ARHGAP6: variants seen among roughly 807,000 people sequenced by gnomAD.
The protein encoded by ARHGAP6 is Rho GTPase activating protein 6.
A neutral mutation model predicts 55.7 loss-of-function variants in ARHGAP6; 16 were observed. The ratio of observed to expected loss-of-function variants is 0.29; its 90% CI spans 0.19 to 0.44. The LOEUF (loss-of-function observed/expected upper bound fraction) is 0.44. Among genes scored for constraint, ARHGAP6 ranks in the 20% least tolerant of loss-of-function variants. The probability of loss-of-function intolerance (pLI) is 1.00; values close to 1 mark genes in which losing one functional copy is unlikely to be tolerated. For synonymous variants in ARHGAP6, 382 were observed against 360.9 expected, an observed-to-expected ratio of 1.06 and a Z score of -0.66; for missense variants, 698 against 808.9, an observed-to-expected ratio of 0.86 and a Z score of 1.66.
chrX:11,361,875 A>G (rs1427993950), intron 1 of ARHGAP6, among the ~76,000 whole-genome samples: 1 of 112,465 alleles, frequency 8.9e-6, no homozygotes, highest in Non-Finnish European at 1.9e-5. Flanking sequence ...AAAAGAAGAC[A>G]TTTATGCAGC....
At chrX:11,419,622 A>C (rs2049794731) in intron 1 of ARHGAP6, among the ~76,000 whole-genome samples, 1 of 112,200 alleles carries the variant, frequency 8.9e-6, no homozygotes, top group African/African-American at 3.2e-5. Context: ...CTAGGAACCT[A>C]GAGCAATGTC....
chrX:11,468,303 G>A (rs2050315367), intron 1 of ARHGAP6, among the ~76,000 whole-genome samples: 1 of 112,115 alleles, frequency 8.9e-6, no homozygotes, highest in Admixed American at 9.4e-5. Flanking sequence ...AGTTTCAAAG[G>A]TAGATTAAGC....
intron 2 of ARHGAP6, among the ~76,000 whole-genome samples, chrX:11,235,820 T>C (rs1463285594): frequency 9.0e-6 from 1 of 111,594 alleles, no homozygotes; most frequent in Non-Finnish European, 1.9e-5. Flanking sequence ...AACTTCACTG[T>C]CCATATCATT....
At chrX:11,401,250 G>A (rs1162047849) in intron 1 of ARHGAP6, among the ~76,000 whole-genome samples, 2 of 111,661 alleles carry the variant, frequency 1.8e-5, no homozygotes, top group Non-Finnish European at 3.8e-5. Context: ...GATGCTATTA[G>A]GTAAGTATCA....
intron 1 of ARHGAP6, among the ~76,000 whole-genome samples, chrX:11,563,192 A>G (rs993719078): frequency 2.8e-4 from 31 of 112,221 alleles, no homozygotes; most frequent in Non-Finnish European, 1.7e-4. Context: ...AATTCATAAG[A>G]AAATAAAAAT....
intron 1 of ARHGAP6, among the ~76,000 whole-genome samples, chrX:11,541,987 T>C (rs963633233): frequency 1.8e-5 from 2 of 112,085 alleles, no homozygotes; most frequent in African/African-American, 3.2e-5. Context: ...ATTTCTATCT[T>C]CTAAGGTTGT....
chrX:11,140,432 A>G (rs2045605495), intron 12 of ARHGAP6, among the ~76,000 whole-genome samples: 1 of 96,641 alleles, frequency 1.0e-5, no homozygotes. Context: ...AAAAAAAAAA[A>G]AATTAAAAAA....
chrX:11,254,715 CCAAA>C lies in ARHGAP6; in HGVS notation c.589-12_589-9del. 6 of 918,847 alleles carry C rather than the reference CCAAA, an allele frequency of 6.5e-6. No individual in the cohort carries two copies. Among genetic ancestry groups the C allele is most frequent in the South Asian group, 4.2e-5 (1 of 23,846 alleles). 75.7% of individuals were successfully genotyped at this position (918,847 alleles called of 1,213,427 possible). On this transcript the variant is annotated splice_polypyrimidine_tract_variant and intron_variant, in intron 1 of 12. Transcript: ENST00000337414. ...GTTCCAGGTGAAATCACCCTGTAGG[CCAAA>C]AAAAAAAAAAAAAAAAAAATCAAGA...
rs775489945 is a variant in ARHGAP6, at chrX:11,664,829, C to T, written c.-1G>A. 1.5e-5 allele frequency: 18 copies of T among 1,176,313 alleles called. No homozygotes were observed. In the Admixed American group the frequency reaches 4.4e-4, roughly 29 times the overall value. On this transcript the variant is annotated 5_prime_UTR_variant, in exon 1 of 13. Transcript: ENST00000337414. ...TGTGGAGCAGGCTCTGCGCGGACAT[C>T]TCGGCGGGGCTGCACCTGAGGACCA... is the stretch of plus-strand genomic sequence containing the variant.
intron 1 of ARHGAP6, among the ~76,000 whole-genome samples, chrX:11,263,647 G>T (rs1292868591): frequency 9.0e-6 from 1 of 111,139 alleles, no homozygotes. Flanking sequence ...TTAAGGAGGT[G>T]AGGGAATGAG....
At chrX:11,172,617 T>C (rs1372418266) in intron 8 of ARHGAP6, among the ~76,000 whole-genome samples, 1 of 112,083 alleles carries the variant, frequency 8.9e-6, no homozygotes, top group Admixed American at 9.5e-5. Flanking sequence ...GTTGCTATTC[T>C]GGGAATGGAA....
At chrX:11,286,185 T>C (rs1414519551) in intron 1 of ARHGAP6, among the ~76,000 whole-genome samples, 2 of 112,170 alleles carry the variant, frequency 1.8e-5, no homozygotes, top group Non-Finnish European at 3.8e-5. Flanking sequence ...AAATAACAAT[T>C]TCTATCTTTT....
intron 1 of ARHGAP6, among the ~76,000 whole-genome samples, chrX:11,574,990 AT>A (rs772541721): frequency 1.4e-4 from 16 of 112,069 alleles, no homozygotes; most frequent in Non-Finnish European, 2.8e-4. Flanking sequence ...GCATAGCAAC[AT>A]TTTGAAGTAA....
At position 11,557,482 on chromosome X, in the gene ARHGAP6, G is replaced by GT. The variant is rs1374122365; in HGVS notation, c.588+106758_588+106759insA. Among the ~76,000 whole-genome samples the GT allele has an allele frequency of 2.1e-3, 173 of 82,642 alleles. 1 individual carries two copies. Among genetic ancestry groups the GT allele is most frequent in the Non-Finnish European group, 2.8e-3 (117 of 41,793 alleles). 71.8% of individuals were successfully genotyped at this position (82,642 alleles called of 115,157 possible). On this transcript the variant is annotated intron_variant, in intron 1 of 12. Coordinates refer to ENST00000337414, the MANE Select transcript of ARHGAP6 (RefSeq NM_013427.3). ...TGTTTTGTGTTGTGTTTTCTGAAAG[G>GT]CAAAAAAAAAAAATTATGAAGAAAA...
At chrX:11,401,244 C>T (rs1035374792) in intron 1 of ARHGAP6, among the ~76,000 whole-genome samples, 2 of 111,598 alleles carry the variant, frequency 1.8e-5, no homozygotes, top group African/African-American at 6.5e-5. Context: ...TCCGACGATG[C>T]TATTAGGTAA....
intron 1 of ARHGAP6, among the ~76,000 whole-genome samples, chrX:11,584,550 G>T (rs995074437): frequency 9.0e-6 from 1 of 111,635 alleles, no homozygotes; most frequent in African/African-American, 3.3e-5. Context: ...AGAGTAGAAG[G>T]CCCCAGTGAT....
At chrX:11,174,872 T>C (rs1426323546) in intron 8 of ARHGAP6, among the ~76,000 whole-genome samples, 1 of 106,901 alleles carries the variant, frequency 9.4e-6, no homozygotes, top group Non-Finnish European at 1.9e-5. Flanking sequence ...TGTATTTTTT[T>C]AGTAGAGACA....
At chrX:11,421,935 T>C (rs776683453) in intron 1 of ARHGAP6, among the ~76,000 whole-genome samples, 1 of 111,930 alleles carries the variant, frequency 8.9e-6, no homozygotes, top group African/African-American at 3.2e-5. Context: ...TGGAAAGTCC[T>C]AGCGTAACCT....
intron 1 of ARHGAP6, among the ~76,000 whole-genome samples, chrX:11,623,699 A>G (rs1353366787): frequency 1.8e-5 from 1 of 54,869 alleles, no homozygotes; most frequent in Admixed American, 1.9e-4. Context: ...TCGGTCTCAA[A>G]AAAAAAAAAA....
Sources: allele counts gnomAD v4.1 joint callset (sites outside exome capture counted in the v4.1 genomes callset), GRCh38; gene constraint gnomAD v4.1.1; transcripts MANE v1.5; gene names NCBI Gene and HGNC (gene_info 2026-07-23, HGNC 2026-07-21).